FAF1: variants seen among roughly 807,000 people sequenced by gnomAD.
The protein encoded by FAF1 is Fas associated factor 1.
FAF1 carries 25 observed loss-of-function variants against 92.5 expected under a neutral mutation model. The ratio of observed to expected loss-of-function variants is 0.27; its 90% CI spans 0.20 to 0.38. FAF1 has a LOEUF of 0.38. Among genes scored for constraint, FAF1 ranks in the 10% least tolerant of loss-of-function variants. FAF1 has a pLI of 1.00. For synonymous variants in FAF1, 234 were observed against 273.2 expected (o/e 0.86, Z 1.42); for missense variants, 636 against 793.3 (o/e 0.80, Z 2.38).
At chr1:50,857,172 C>G (rs1369570718) in intron 2 of FAF1, among the ~76,000 whole-genome samples, 1 of 151,778 alleles carries the variant, frequency 6.6e-6, no homozygotes, top group African/African-American at 2.4e-5. Context: ...ACATAAAGCA[C>G]ACAGACACCA....
At chr1:50,946,313 T>A (rs149322214) in intron 1 of FAF1, among the ~76,000 whole-genome samples, 76 of 152,292 alleles carry the variant, frequency 5.0e-4, no homozygotes, top group Non-Finnish European at 7.9e-4. Flanking sequence ...GTGAAAAATA[T>A]CCTCCCCACC....
At chr1:50,782,183 GT>G (rs762040977) in intron 4 of FAF1, among the ~76,000 whole-genome samples, 1 of 151,084 alleles carries the variant, frequency 6.6e-6, no homozygotes, top group East Asian at 1.9e-4. Context: ...CTTTCTTTTT[GT>G]TTTTTTTAAG....
intron 7 of FAF1, among the ~76,000 whole-genome samples, chr1:50,662,472 C>G (rs1260633015): frequency 6.6e-6 from 1 of 152,038 alleles, no homozygotes; most frequent in Non-Finnish European, 1.5e-5. Context: ...AATATGTAAA[C>G]TAATTTAAAT....
chr1:50,808,485 C>A (rs1248560253), intron 2 of FAF1, among the ~76,000 whole-genome samples: 2 of 151,996 alleles, frequency 1.3e-5, no homozygotes, highest in Non-Finnish European at 2.9e-5. Flanking sequence ...GGAAGCAAGA[C>A]CTAACTGTAT....
At chr1:50,578,739 C>T (rs1333319161) in intron 12 of FAF1, among the ~76,000 whole-genome samples, 1 of 152,082 alleles carries the variant, frequency 6.6e-6, no homozygotes, top group Non-Finnish European at 1.5e-5. Context: ...AACCACAGAG[C>T]ATCACAGAAT....
At chr1:50,585,059 AG>A (rs1288745730) in intron 9 of FAF1, among the ~76,000 whole-genome samples, 2 of 152,182 alleles carry the variant, frequency 1.3e-5, no homozygotes, top group Non-Finnish European at 1.5e-5. Flanking sequence ...AAATAAAGAC[AG>A]GGATTTTTGT....
At chr1:50,706,158 G>A (rs1459055851) in intron 6 of FAF1, 3 of 334,854 alleles carry the variant, frequency 9.0e-6, no homozygotes, top group African/African-American at 2.1e-5. Context: ...CAAGTCATAG[G>A]CTAATTCATA....
At chr1:50,576,408 T>C (rs116763723) in intron 12 of FAF1, among the ~76,000 whole-genome samples, 1,983 of 152,330 alleles carry the variant, frequency 0.013, 43 homozygotes, top group African/African-American at 0.044. Flanking sequence ...ATGAAATTAC[T>C]AATATCAAAG....
intron 5 of FAF1, 137 bp downstream of exon 5, chr1:50,744,547 A>G (rs1040305779): frequency 1.6e-5 from 10 of 624,962 alleles, no homozygotes; most frequent in African/African-American, 1.5e-4. Flanking sequence ...CTACTTGCTG[A>G]TTCCTTAAAC....
chr1:50,762,973 A>C (rs1447940382), intron 4 of FAF1, among the ~76,000 whole-genome samples: 2 of 152,168 alleles, frequency 1.3e-5, no homozygotes, highest in African/African-American at 4.8e-5. Context: ...TATAGAATGT[A>C]GGCCAGGCGC....
rs113369846 is a variant in FAF1, at chr1:50,892,470, T to A, written c.46-34473A>T. ...AGCTACAGACTAGAGCTGTTCCTAT[T>A]TGGCCATCTTGGAACCGCCTCCCTT... On this transcript the variant is annotated intron_variant, in intron 1 of 18. Transcript: ENST00000396153. Among the ~76,000 whole-genome samples the A allele has an allele frequency of 6.4e-3, 982 of 152,326 alleles. 19 individuals carry two copies. The highest frequency in any genetic ancestry group is 0.023 in the African/African-American group (937 of 41,578).
chr1:50,909,680 T>C (rs1226043623), intron 1 of FAF1, among the ~76,000 whole-genome samples: 2 of 152,250 alleles, frequency 1.3e-5, no homozygotes, highest in African/African-American at 4.8e-5. Flanking sequence ...CTATTGAAGG[T>C]TGTGCATGCA....
intron 6 of FAF1, among the ~76,000 whole-genome samples, chr1:50,712,102 G>A (rs1455533820): frequency 6.6e-6 from 1 of 152,146 alleles, no homozygotes; most frequent in Non-Finnish European, 1.5e-5. Flanking sequence ...GGACCTTCAG[G>A]TACTAAGGAA....
intron 1 of FAF1, among the ~76,000 whole-genome samples, chr1:50,878,201 T>C (rs1425698085): frequency 6.6e-6 from 1 of 152,224 alleles, no homozygotes; most frequent in African/African-American, 2.4e-5. Context: ...ATTTAGAAAT[T>C]TGTCTCCATA....
chr1:50,446,752 T>C (rs1157570661), intron 18 of FAF1, among the ~76,000 whole-genome samples: 5 of 152,206 alleles, frequency 3.3e-5, no homozygotes, highest in Non-Finnish European at 7.3e-5. Flanking sequence ...AAAGTCTGGA[T>C]CTAATATTTC....
rs538975165 is a variant in FAF1, at chr1:50,875,323, A to ATATG, written c.46-17330_46-17327dup. ...ATCACGTACAATATAATGTTTTGAA[A>ATATG]TATGTATACATTGTAGAATGGCTAA... On this transcript the variant is annotated intron_variant, in intron 1 of 18. Transcript: ENST00000396153. Among the ~76,000 whole-genome samples the ATATG allele has an allele frequency of 1.8e-4, 28 of 152,320 alleles. 1 individual carries two copies. In the South Asian group the frequency reaches 5.0e-3, roughly 27 times the overall value.
At chr1:50,501,521 C>T (rs1646984137) in intron 15 of FAF1, among the ~76,000 whole-genome samples, 1 of 151,922 alleles carries the variant, frequency 6.6e-6, no homozygotes, top group South Asian at 2.1e-4. Flanking sequence ...TTTAGCTGGG[C>T]GTGGTGGCAG....
At chr1:50,646,564 A>C (rs890287209) in intron 8 of FAF1, among the ~76,000 whole-genome samples, 2 of 152,216 alleles carry the variant, frequency 1.3e-5, no homozygotes, top group East Asian at 3.8e-4. Context: ...TATAATTTAC[A>C]AAAGGAGGAA....
intron 17 of FAF1, among the ~76,000 whole-genome samples, chr1:50,487,787 T>G (rs1192665483): frequency 1.3e-5 from 2 of 152,188 alleles, no homozygotes; most frequent in Non-Finnish European, 2.9e-5. Context: ...TGTTTCTCAA[T>G]GTAATTATAT....
Sources: allele counts gnomAD v4.1 joint callset (sites outside exome capture counted in the v4.1 genomes callset), GRCh38; gene constraint gnomAD v4.1.1; transcripts MANE v1.5; gene names NCBI Gene and HGNC (gene_info 2026-07-23, HGNC 2026-07-21).